The following DHX15 variants were observed in gnomAD, a reference collection of about 807,000 sequenced individuals.
DHX15 encodes the protein ATP-dependent RNA helicase DHX15.
Under a neutral mutation model 94.4 loss-of-function variants are expected in DHX15, and 11 were observed. That is an observed-to-expected ratio of 0.12 (90% CI 0.07 to 0.19). DHX15 has a LOEUF of 0.19. DHX15 is among the 10% of genes least tolerant of loss of function. The pLI is 1.00. For missense variants in DHX15, 304 were observed against 988.5 expected (o/e 0.31, Z 9.29); for synonymous variants, 338 against 329.9 (o/e 1.02, Z -0.27).
rs375878366 is a variant in DHX15, at chr4:24,569,460, C to T, written c.701+1194G>A. Among the ~76,000 whole-genome samples, 230 of 151,988 alleles carry T rather than the reference C, an allele frequency of 1.5e-3. 3 individuals carry two copies. Among genetic ancestry groups the T allele is most frequent in the African/African-American group, 5.1e-3 (211 of 41,478 alleles). On this transcript the variant is annotated intron_variant, in intron 3 of 13. Transcript: ENST00000336812. ...ACAAAAAGTTAGCCAGGCATGGTGG[C>T]GCACACCTATAGTCCCAGCTACCTG... is the stretch of plus-strand genomic sequence containing the variant.
At chr4:24,580,446 C>T (rs1722385197) in intron 1 of DHX15, among the ~76,000 whole-genome samples, 1 of 151,196 alleles carries the variant, frequency 6.6e-6, no homozygotes, top group Non-Finnish European at 1.5e-5. Flanking sequence ...ATAACAGGCA[C>T]TGAAGTACTG....
intron 3 of DHX15, chr4:24,563,575 T>C (rs1370985731): frequency 1.3e-5 from 2 of 152,240 alleles, no homozygotes; most frequent in Admixed American, 6.5e-5. Context: ...TGTAAATGCA[T>C]TAAATGATCA....
chr4:24,548,227 C>T (rs991504019), intron 6 of DHX15, among the ~76,000 whole-genome samples: 2 of 150,112 alleles, frequency 1.3e-5, no homozygotes, highest in African/African-American at 2.5e-5. Flanking sequence ...ACTGCAACCT[C>T]CGCCTCTAGG....
rs769580037 is a variant in DHX15, at chr4:24,576,685, A to G, written c.72-7T>C. On this transcript the variant is annotated splice_polypyrimidine_tract_variant and splice_region_variant and intron_variant, in intron 1 of 13. Transcript: ENST00000336812. ...GTCTCGATCTCGATCCTTCCTAAAA[A>G]CAAAAATTTAGAATTCAGATTCTGA... 12 of 1,607,566 alleles carry G rather than the reference A, an allele frequency of 7.5e-6. No individual in the cohort carries two copies. The South Asian group carries it at 1.1e-4, about 15-fold the overall frequency.
chr4:24,547,909 A>ATCTATATATCTATATATATATATATATC (rs1447942034), intron 6 of DHX15, among the ~76,000 whole-genome samples: 17 of 83,370 alleles, frequency 2.0e-4, no homozygotes, highest in East Asian at 7.4e-4. Context: ...ATGTGTATAT[A>ATCTATATATCTATATATATATATATATC]TATATATATA....
chr4:24,584,092 T>G, intron 1 of DHX15: 1 of 554,498 alleles, frequency 1.8e-6, no homozygotes, highest in Non-Finnish European at 3.2e-6. Context: ...ACTGCAGGCC[T>G]CTCCACCCTC....
chr4:24,575,536 T>C lies in DHX15; in HGVS notation c.507+707A>G, dbSNP rs1722238167. ...TTTGTAAAAATTCACGTTTTAATAG[T>C]TTCCCACGTGTTCTCCTACATGCTC... On this transcript the variant is annotated intron_variant, in intron 2 of 13. Coordinates refer to ENST00000336812, the MANE Select transcript of DHX15 (RefSeq NM_001358.3). Among the ~76,000 whole-genome samples the C allele has an allele frequency of 2.0e-5, 3 of 152,206 alleles. No individual in the cohort carries two copies. The South Asian group carries it at 6.2e-4, about 31-fold the overall frequency.
Position 24,527,893 on chromosome 4 carries a change from C to A in DHX15, c.*31G>T. On this transcript the variant is annotated 3_prime_UTR_variant, in exon 14 of 14. Transcript: ENST00000336812. The stretch of plus-strand genomic sequence containing the variant: ...AGTTCATTCATCTTTTAAAGCTGTC[C>A]TCTCAATAACTTCAGTTCTAAGCAC... The A allele has an allele frequency of 1.3e-6, 2 of 1,494,920 alleles. No individual in the cohort carries two copies. Among genetic ancestry groups the A allele is most frequent in the Non-Finnish European group, 1.9e-6 (2 of 1,073,538 alleles). 92.6% of individuals were successfully genotyped at this position (1,494,920 alleles called of 1,614,324 possible).
At chr4:24,583,265 A>G (rs1415465067) in intron 1 of DHX15, among the ~76,000 whole-genome samples, 1 of 152,208 alleles carries the variant, frequency 6.6e-6, no homozygotes. Flanking sequence ...AATGATTTTC[A>G]CGAAATTGCT....
intron 5 of DHX15, among the ~76,000 whole-genome samples, chr4:24,550,127 T>TA (rs1414270371): frequency 2.1e-3 from 101 of 48,648 alleles, no homozygotes; most frequent in African/African-American, 6.9e-3. Flanking sequence ...AAAAAAACGG[T>TA]AAAAATCAGT....
chr4:24,559,375 T>TAAAAAAAAAA (rs535455690), intron 3 of DHX15, among the ~76,000 whole-genome samples: 6 of 93,364 alleles, frequency 6.4e-5, no homozygotes, highest in Non-Finnish European at 1.1e-4. Flanking sequence ...TTTAAGCCAC[T>TAAAAAAAAAA]AAAAAAAAAA....
intron 6 of DHX15, among the ~76,000 whole-genome samples, chr4:24,545,130 T>C (rs367978497): frequency 9.2e-5 from 14 of 152,250 alleles, no homozygotes; most frequent in Admixed American, 5.2e-4. Flanking sequence ...CAGAACCAAC[T>C]ACATGCCTGT....
chr4:24,570,994 C>A, intron 2 of DHX15, 147 bp from the exon 3 acceptor site: 1 of 809,826 alleles, frequency 1.2e-6, no homozygotes, highest in East Asian at 2.7e-5. Context: ...AAACTTGTAA[C>A]AACACAAGCT....
chr4:24,535,099 C>T (rs1170017664), intron 11 of DHX15, among the ~76,000 whole-genome samples: 2 of 152,078 alleles, frequency 1.3e-5, no homozygotes, highest in Non-Finnish European at 2.9e-5. Flanking sequence ...CCACCAATGG[C>T]TAATCATCCC....
intron 1 of DHX15, among the ~76,000 whole-genome samples, chr4:24,578,960 T>C (rs1005763426): frequency 2.6e-5 from 4 of 152,216 alleles, no homozygotes; most frequent in Non-Finnish European, 4.4e-5. Flanking sequence ...AAGTAAATCA[T>C]GTATTATATA....
intron 12 of DHX15, chr4:24,529,992 T>A: frequency 1.8e-6 from 1 of 563,456 alleles, no homozygotes; most frequent in Non-Finnish European, 3.1e-6. Context: ...CAAAATGGTT[T>A]ATTTATCTTT....
chr4:24,564,352 T>C lies in DHX15; in HGVS notation c.701+6302A>G, dbSNP rs139753453. Among the ~76,000 whole-genome samples the C allele has an allele frequency of 3.3e-5, 5 of 152,304 alleles. No individual in the cohort carries two copies. In the East Asian group the frequency reaches 5.8e-4, roughly 18 times the overall value. Reference sequence around the variant, plus strand: ...GGTCTGGGGTACTACGAAGAAATTATTGAGATATTACGTGTGCTGTCAATT... The same window carrying C: ...GGTCTGGGGTACTACGAAGAAATTACTGAGATATTACGTGTGCTGTCAATT... On this transcript the variant is annotated intron_variant, in intron 3 of 13. Transcript: ENST00000336812.
chr4:24,554,340 T>G (rs1721677250), intron 5 of DHX15, among the ~76,000 whole-genome samples: 1 of 152,202 alleles, frequency 6.6e-6, no homozygotes, highest in East Asian at 1.9e-4. Flanking sequence ...CAAACTGAAG[T>G]GTTTTGATGA....
At chr4:24,533,102 A>C (rs767941387) in intron 11 of DHX15, 48 bp from the exon 12 acceptor site, 1 of 1,468,740 alleles carries the variant, frequency 6.8e-7, no homozygotes, top group East Asian at 2.3e-5. Context: ...TGAATCACCC[A>C]CACAGGAATG....
Sources: gnomAD v4.1 joint callset for allele counts (sites outside exome capture counted in the v4.1 genomes callset) on GRCh38, gnomAD v4.1.1 for gene constraint, MANE v1.5 for transcripts, NCBI Gene and HGNC (gene_info 2026-07-23, HGNC 2026-07-21) for gene names.